DOCK10: variants seen among roughly 807,000 people sequenced by gnomAD.
The protein encoded by DOCK10 is dedicator of cytokinesis protein 10.
In DOCK10, 145 loss-of-function variants were observed where a neutral mutation model predicts 280.1. That is an observed-to-expected ratio of 0.52 (90% CI 0.45 to 0.59). DOCK10 has a LOEUF of 0.59. Among genes scored for constraint, DOCK10 ranks in the 20% least tolerant of loss-of-function variants. The pLI, the probability that DOCK10 is intolerant of heterozygous loss-of-function variation, is 0.00. For synonymous variants in DOCK10, 915 were observed against 942.2 expected (o/e 0.97, Z 0.53); for missense variants, 2,368 against 2,651.7 (o/e 0.89, Z 2.35).
At chr2:224,846,562 C>T (rs375559244) in intron 19 of DOCK10, among the ~76,000 whole-genome samples, 3 of 148,884 alleles carry the variant, frequency 2.0e-5, no homozygotes, top group Non-Finnish European at 4.4e-5. Context: ...TGCAGTGGCA[C>T]GATAGCTCAC....
At chr2:224,916,115 G>C (rs1234176280) in intron 3 of DOCK10, among the ~76,000 whole-genome samples, 1 of 152,250 alleles carries the variant, frequency 6.6e-6, no homozygotes, top group Non-Finnish European at 1.5e-5. Context: ...TGGCCATTTG[G>C]CTGGGCACAG....
chr2:224,809,524 C>T (rs566217311), intron 31 of DOCK10, among the ~76,000 whole-genome samples: 10 of 152,036 alleles, frequency 6.6e-5, no homozygotes, highest in African/African-American at 2.4e-4. Flanking sequence ...AAAAACAACC[C>T]GCCAAGTTTT....
At chr2:224,868,485 C>G (rs989889001) in intron 11 of DOCK10, among the ~76,000 whole-genome samples, 10 of 152,106 alleles carry the variant, frequency 6.6e-5, no homozygotes, top group Non-Finnish European at 5.9e-5. Flanking sequence ...TACCAGTATT[C>G]TAGGGGCAAA....
intron 3 of DOCK10, among the ~76,000 whole-genome samples, chr2:224,914,126 C>A (rs1366372945): frequency 6.6e-6 from 1 of 152,088 alleles, no homozygotes; most frequent in Non-Finnish European, 1.5e-5. Flanking sequence ...ACTTTATTTT[C>A]TTCCAAAATG....
chr2:224,856,855 C>T lies in DOCK10; in HGVS notation c.1808+5G>A. On this transcript the variant is annotated splice_donor_5th_base_variant and intron_variant, in intron 15 of 55. Coordinates refer to ENST00000258390, the MANE Select transcript of DOCK10 (RefSeq NM_014689.3). Reference sequence around the variant, plus strand: ...GTTAATTTCGAGAGTATAAAAAAAACATACCTTCTATAATCTGATACTAGT... The same window carrying T: ...GTTAATTTCGAGAGTATAAAAAAAATATACCTTCTATAATCTGATACTAGT... The T allele has an allele frequency of 6.3e-7, 1 of 1,597,710 alleles. No homozygotes were observed. The highest frequency in any genetic ancestry group is 8.5e-7 in the Non-Finnish European group (1 of 1,171,980).
At chr2:224,865,330 G>A (rs746906172) in intron 11 of DOCK10, among the ~76,000 whole-genome samples, 16 of 151,988 alleles carry the variant, frequency 1.1e-4, no homozygotes, top group African/African-American at 3.9e-4. Flanking sequence ...TGCATGGTTG[G>A]GCCTTACAAA....
At chr2:225,014,441 A>G (rs1689536949) in intron 1 of DOCK10, among the ~76,000 whole-genome samples, 1 of 152,116 alleles carries the variant, frequency 6.6e-6, no homozygotes, top group Non-Finnish European at 1.5e-5. Context: ...AGATATGATA[A>G]TATCAGTATA....
At chr2:224,876,936 C>T (rs888727918) in intron 7 of DOCK10, among the ~76,000 whole-genome samples, 1 of 152,188 alleles carries the variant, frequency 6.6e-6, no homozygotes, top group Non-Finnish European at 1.5e-5. Context: ...CCTTTCCTGG[C>T]TCTGGCTTCA....
At chr2:224,854,871 C>G in intron 16 of DOCK10, 92 bp downstream of exon 16, 2 of 919,290 alleles carry the variant, frequency 2.2e-6, no homozygotes, top group Non-Finnish European at 3.2e-6. Flanking sequence ...AACCAACCAA[C>G]CAACCAACCA....
intron 1 of DOCK10, among the ~76,000 whole-genome samples, chr2:224,950,762 T>C (rs1703685594): frequency 6.6e-6 from 1 of 152,158 alleles, no homozygotes; most frequent in South Asian, 2.1e-4. Context: ...GAGCAGAAAG[T>C]CATGAAAATA....
At chr2:225,002,505 C>A (rs1316628703) in intron 1 of DOCK10, among the ~76,000 whole-genome samples, 2 of 152,208 alleles carry the variant, frequency 1.3e-5, no homozygotes, top group African/African-American at 2.4e-5. Flanking sequence ...ATAAGTCATA[C>A]ATTTCTTTGG....
At chr2:224,791,370 TGGGTGCCATA>T (rs750741471) in intron 47 of DOCK10, among the ~76,000 whole-genome samples, 136 of 151,454 alleles carry the variant, frequency 9.0e-4, no homozygotes, top group Non-Finnish European at 1.5e-3. Context: ...ACATGAGCCA[TGGGTGCCATA>T]GGGTGCCACA....
intron 11 of DOCK10, among the ~76,000 whole-genome samples, chr2:224,873,461 TAGTC>T (rs1365226924): frequency 2.0e-5 from 3 of 151,912 alleles, no homozygotes; most frequent in Non-Finnish European, 4.4e-5. Context: ...TGCGTGCCTG[TAGTC>T]CATTACTTGG....
Position 224,849,494 on chromosome 2 carries a change from G to A in DOCK10, c.2235+13C>T, listed in dbSNP as rs1259685857. On this transcript the variant is annotated intron_variant, in intron 19 of 55. Transcript: ENST00000258390. ...TTAGGAACCGCTGGGGGCAGTGGAGGGCTAGCTCTTACCTCATCTGAGAAA... is the reference window on the plus strand; with the variant it reads ...TTAGGAACCGCTGGGGGCAGTGGAGAGCTAGCTCTTACCTCATCTGAGAAA... 2 of 1,594,368 alleles carry A rather than the reference G, an allele frequency of 1.3e-6. No individual in the cohort carries two copies. The highest frequency in any genetic ancestry group is 3.4e-5 in the Admixed American group (2 of 58,692).
At chr2:224,971,238 C>T (rs1171211788) in intron 1 of DOCK10, among the ~76,000 whole-genome samples, 1 of 151,680 alleles carries the variant, frequency 6.6e-6, no homozygotes, top group Non-Finnish European at 1.5e-5. Context: ...AATGCCACTG[C>T]AAGAGATCCC....
At chr2:224,865,609 G>C (rs1488398387) in intron 11 of DOCK10, among the ~76,000 whole-genome samples, 3 of 152,136 alleles carry the variant, frequency 2.0e-5, no homozygotes, top group Non-Finnish European at 2.9e-5. Context: ...ACAAAACACT[G>C]TGGCAAGTAG....
chr2:224,809,528 A>G (rs1693624792), intron 31 of DOCK10, among the ~76,000 whole-genome samples: 1 of 152,110 alleles, frequency 6.6e-6, no homozygotes, highest in Non-Finnish European at 1.5e-5. Flanking sequence ...ACAACCCGCC[A>G]AGTTTTAAAA....
intron 3 of DOCK10, among the ~76,000 whole-genome samples, chr2:224,908,235 C>T (rs986346434): frequency 7.0e-6 from 1 of 142,726 alleles, no homozygotes; most frequent in African/African-American, 2.7e-5. Context: ...ATTTCAACAA[C>T]ATTTACTTCG....
chr2:224,902,418 G>A (rs993767481), intron 3 of DOCK10, among the ~76,000 whole-genome samples: 2 of 152,178 alleles, frequency 1.3e-5, no homozygotes, highest in Admixed American at 6.5e-5. Context: ...TTTGTAAAAC[G>A]ATGGTGGCAA....
Sources: gnomAD v4.1 joint callset for allele counts (sites outside exome capture counted in the v4.1 genomes callset) on GRCh38, gnomAD v4.1.1 for gene constraint, MANE v1.5 for transcripts, NCBI Gene and HGNC (gene_info 2026-07-23, HGNC 2026-07-21) for gene names.